SLMAP: variants seen among roughly 807,000 people sequenced by gnomAD.
The protein encoded by SLMAP is sarcolemma associated protein, also known as sarcolemmal membrane-associated protein.
In SLMAP, 44 loss-of-function variants were observed where a neutral mutation model predicts 128.8. That is an observed-to-expected ratio of 0.34 (90% confidence interval 0.27 to 0.44). The LOEUF (loss-of-function observed/expected upper bound fraction) is 0.44, where lower values mean the gene tolerates loss of function less well. Among genes scored for constraint, SLMAP ranks in the 20% least tolerant of loss-of-function variants. SLMAP has a pLI of 1.00. For synonymous variants in SLMAP, 327 were observed against 348.8 expected, an observed-to-expected ratio of 0.94 and a Z score of 0.70; for missense variants, 787 against 985.3, an observed-to-expected ratio of 0.80 and a Z score of 2.69.
Position 57,857,825 on chromosome 3 carries a change from G to A in SLMAP, c.612G>A (p.Trp204Ter). 6.3e-7 allele frequency: 1 copy of A among 1,595,256 alleles called. No homozygotes were observed. The highest frequency in any genetic ancestry group is 8.6e-7 in the Non-Finnish European group (1 of 1,163,102). Reference sequence around the variant, plus strand: ...CCCAAGAGGCTTCAGATACCAGTTGGCAGGTATTCCAGTTGTTTTATATTT... The same window carrying A: ...CCCAAGAGGCTTCAGATACCAGTTGACAGGTATTCCAGTTGTTTTATATTT... ...AITQEASDTS[W>*]QALIDEDRLL... Residue 204 changes from tryptophan (W) to a stop codon, truncating the protein, a stop_gained, in exon 7 of 25, where the codon TGG becomes TGA. Coordinates refer to ENST00000671191, the MANE Select transcript of SLMAP (RefSeq NM_001377540.1). LOFTEE classifies it high-confidence loss of function.
At chr3:57,821,153 C>T (rs1237495320) in intron 2 of SLMAP, among the ~76,000 whole-genome samples, 1 of 152,136 alleles carries the variant, frequency 6.6e-6, no homozygotes, top group African/African-American at 2.4e-5. Context: ...TTATCTTTAC[C>T]ACTTTCCCTA....
chr3:57,918,658 C>A (rs1237863677), intron 22 of SLMAP, among the ~76,000 whole-genome samples: 1 of 152,160 alleles, frequency 6.6e-6, no homozygotes. Flanking sequence ...TATACTATAA[C>A]TAAAATGTTC....
intron 2 of SLMAP, among the ~76,000 whole-genome samples, chr3:57,772,313 G>A (rs1253766182): frequency 6.6e-6 from 1 of 152,156 alleles, no homozygotes; most frequent in Non-Finnish European, 1.5e-5. Context: ...TATCAGTTGA[G>A]GTTTTAGTTA....
rs527799461 is a variant in SLMAP, at chr3:57,789,906, G to A, written c.198+32057G>A. 3.7e-4 allele frequency among the ~76,000 whole-genome samples: 57 copies of A among 152,152 alleles called. No individual in the cohort carries two copies. In the Middle Eastern group the frequency reaches 0.014, roughly 36 times the overall value. ...GGCTGGAGTGCAATGGCATGATCTC[G>A]GCTCACTGCAACCTCCGCCTCCTGG... On this transcript the variant is annotated intron_variant, in intron 2 of 24. Coordinates refer to ENST00000671191, the MANE Select transcript of SLMAP (RefSeq NM_001377540.1).
chr3:57,825,734 G>A (rs1271860871), intron 2 of SLMAP, among the ~76,000 whole-genome samples: 2 of 152,042 alleles, frequency 1.3e-5, no homozygotes, highest in African/African-American at 4.8e-5. Context: ...TTGTGATTAA[G>A]GTCTGCTCTG....
In SLMAP at chr3:57,890,179, A is replaced by T. The variant is rs549071686; in HGVS notation, c.1360+79A>T. Reference sequence around the variant, plus strand: ...TAGTGTATATTTTCAAGGTTATAGTATTTTAACCATCAGTTTACTTCTTAT... The same window carrying T: ...TAGTGTATATTTTCAAGGTTATAGTTTTTTAACCATCAGTTTACTTCTTAT... On this transcript the variant is annotated intron_variant, in intron 15 of 24. Coordinates refer to ENST00000671191, the MANE Select transcript of SLMAP (RefSeq NM_001377540.1). 9 of 1,388,992 alleles carry T rather than the reference A, an allele frequency of 6.5e-6. No individual in the cohort carries two copies. In the East Asian group the frequency reaches 1.6e-4, roughly 25 times the overall value. The allele number at this position is 1,388,992 out of a possible 1,614,324, so 86.0% of individuals were successfully genotyped here.
intron 15 of SLMAP, among the ~76,000 whole-genome samples, chr3:57,896,010 T>C (rs544230573): frequency 6.6e-6 from 1 of 151,980 alleles, no homozygotes; most frequent in African/African-American, 2.4e-5. Flanking sequence ...TAAAAGGCTG[T>C]TAATTTTCTT....
At chr3:57,807,550 T>C (rs1392907906) in intron 2 of SLMAP, among the ~76,000 whole-genome samples, 1 of 152,200 alleles carries the variant, frequency 6.6e-6, no homozygotes, top group Non-Finnish European at 1.5e-5. Flanking sequence ...GAGATTATCA[T>C]GTGGTTTTTG....
At chr3:57,884,934 A>G (rs2095840694) in intron 14 of SLMAP, among the ~76,000 whole-genome samples, 1 of 152,240 alleles carries the variant, frequency 6.6e-6, no homozygotes. Flanking sequence ...ACCCTTGAAT[A>G]TGAAGAGAAA....
chr3:57,841,730 G>A (rs1448175106), intron 4 of SLMAP, among the ~76,000 whole-genome samples: 1 of 152,024 alleles, frequency 6.6e-6, no homozygotes, highest in African/African-American at 2.4e-5. Context: ...TTCTTAAACT[G>A]TGATCACTTC....
chr3:57,805,171 A>T (rs1419943651), intron 2 of SLMAP, among the ~76,000 whole-genome samples: 4 of 151,656 alleles, frequency 2.6e-5, no homozygotes, highest in Non-Finnish European at 5.9e-5. Flanking sequence ...TCCTTCAAGC[A>T]TTTTTTTTCC....
chr3:57,760,235 C>T (rs929895403), intron 2 of SLMAP, among the ~76,000 whole-genome samples: 3 of 152,174 alleles, frequency 2.0e-5, no homozygotes, highest in Admixed American at 6.5e-5. Flanking sequence ...CCACCACACC[C>T]GGCCATGAAA....
At chr3:57,792,662 G>A (rs545186537) in intron 2 of SLMAP, among the ~76,000 whole-genome samples, 6 of 151,988 alleles carry the variant, frequency 3.9e-5, no homozygotes, top group Admixed American at 2.6e-4. Context: ...CATTTAAGTC[G>A]TTAACTCTTT....
Position 57,841,359 on chromosome 3 carries a change from G to A in SLMAP, c.407G>A (p.Arg136Gln), listed in dbSNP as rs142516364. ...TTTCTACCAGATGGTATGGAAGCCC[G>A]GCTCCGCTCAGAGTGAGTATAATTT... The part of the protein sequence containing the change: ...KLFLPDGMEA[R>Q]LRSDVIHAPL... The change falls in exon 4 of 25, where the codon CGG becomes CAG. Residue 136 changes from arginine (R) to glutamine (Q), a missense_variant. Physicochemically the swap from Arg to Gln is conservative, Grantham distance 43 (BLOSUM62 1). Transcript: ENST00000671191. The A allele has an allele frequency of 3.8e-5, 61 of 1,605,944 alleles. No individual in the cohort carries two copies. The highest frequency in any genetic ancestry group is 4.7e-5 in the Non-Finnish European group (55 of 1,174,152).
chr3:57,770,456 A>T (rs983083692), intron 2 of SLMAP, among the ~76,000 whole-genome samples: 3 of 152,226 alleles, frequency 2.0e-5, no homozygotes, highest in Non-Finnish European at 4.4e-5. Context: ...AAAGAGAGTG[A>T]TGTATTCTGG....
intron 15 of SLMAP, among the ~76,000 whole-genome samples, chr3:57,895,866 C>T (rs992396303): frequency 6.6e-6 from 1 of 151,658 alleles, no homozygotes; most frequent in Non-Finnish European, 1.5e-5. Flanking sequence ...ATCCCTTGAG[C>T]CCAGGAGGTC....
chr3:57,796,836 T>C (rs998364883), intron 2 of SLMAP, among the ~76,000 whole-genome samples: 3 of 152,100 alleles, frequency 2.0e-5, no homozygotes, highest in Admixed American at 6.6e-5. Flanking sequence ...TCAGTGAAAA[T>C]GTCAAAAATG....
At chr3:57,860,136 C>A in intron 8 of SLMAP, among the ~76,000 whole-genome samples, 1 of 152,168 alleles carries the variant, frequency 6.6e-6, no homozygotes, top group East Asian at 1.9e-4. Flanking sequence ...CCCATCTCGG[C>A]CTCCCAAAGT....
At chr3:57,868,833 ATG>A (rs1168036868) in intron 13 of SLMAP, among the ~76,000 whole-genome samples, 1 of 139,360 alleles carries the variant, frequency 7.2e-6, no homozygotes, top group Non-Finnish European at 1.5e-5. Context: ...AAATATATAT[ATG>A]TGTATTATAT....
Sources: gnomAD v4.1 joint callset for allele counts (sites outside exome capture counted in the v4.1 genomes callset) on GRCh38, gnomAD v4.1.1 for gene constraint, MANE v1.5 for transcripts, NCBI Gene and HGNC (gene_info 2026-07-23, HGNC 2026-07-21) for gene names.